Variants in ARMCX4 observed in about 807,000 individuals in gnomAD.
The protein encoded by ARMCX4 is armadillo repeat-containing X-linked protein 4.
In ARMCX4, 3 loss-of-function variants were observed where a neutral mutation model predicts 34.7. That is an observed-to-expected ratio of 0.09 (90% confidence interval 0.04 to 0.22). The LOEUF (loss-of-function observed/expected upper bound fraction) is 0.22. Among genes scored for constraint, ARMCX4 ranks in the 10% least tolerant of loss-of-function variants. The pLI, the probability that ARMCX4 is intolerant of heterozygous loss-of-function variation, is 1.00. For synonymous variants in ARMCX4, 513 were observed against 632.8 expected, an observed-to-expected ratio of 0.81 and a Z score of 2.84; for missense variants, 1,448 against 1,720.8, an observed-to-expected ratio of 0.84 and a Z score of 2.81.
intron 4 of ARMCX4, among the ~76,000 whole-genome samples, chrX:101,468,798 A>G (rs919964639): frequency 9.0e-6 from 1 of 110,676 alleles, no homozygotes; most frequent in Non-Finnish European, 1.9e-5. Flanking sequence ...TATTTTTAGT[A>G]GAGACGGGGT....
intron 11 of ARMCX4, among the ~76,000 whole-genome samples, chrX:101,528,975 A>G (rs1935052892): frequency 9.0e-6 from 1 of 111,647 alleles, no homozygotes; most frequent in Non-Finnish European, 1.9e-5. Context: ...CAGAACTGGA[A>G]AAAAATACTT....
In ARMCX4 at chrX:101,465,702, T is replaced by C. The variant is rs138566809; in HGVS notation, c.-473+19658T>C. On this transcript the variant is annotated intron_variant and NMD_transcript_variant, in intron 4 of 15. Coordinates refer to the ARMCX4 transcript ENST00000433011. The stretch of plus-strand genomic sequence containing the variant: ...TTGAATTGCACAAGTAATCTTAACA[T>C]AACTGACAAATGTAGAACCCTGCAC... 7.4e-3 allele frequency among the ~76,000 whole-genome samples: 825 copies of C among 111,759 alleles called. 8 individuals are homozygous for C. Among genetic ancestry groups the C allele is most frequent in the Non-Finnish European group, 0.011 (572 of 53,118 alleles).
chrX:101,451,780 C>T (rs782484010), downstream of ARMCX4, among the ~76,000 whole-genome samples: 2 of 112,206 alleles, frequency 1.8e-5, no homozygotes, highest in African/African-American at 3.2e-5. Flanking sequence ...GGAAATCCTA[C>T]CAATTCATTT....
At chrX:101,426,141 A>T (rs1402704239) in intron 2 of ARMCX4, among the ~76,000 whole-genome samples, 1 of 110,827 alleles carries the variant, frequency 9.0e-6, no homozygotes, top group Non-Finnish European at 1.9e-5. Context: ...TTTTTAATGG[A>T]GAAATTTTGT....
intron 2 of ARMCX4, among the ~76,000 whole-genome samples, chrX:101,433,460 G>A (rs969509413): frequency 9.0e-6 from 1 of 110,861 alleles, no homozygotes. Flanking sequence ...ACTTAGGACA[G>A]TGTTGTGCAA....
chrX:101,503,947 T>C lies in ARMCX4; in HGVS notation c.*1178-990T>C, dbSNP rs1396191858. Among the ~76,000 whole-genome samples the C allele has an allele frequency of 3.6e-5, 4 of 111,751 alleles. No homozygotes were observed. The Admixed American group carries it at 3.8e-4, about 11-fold the overall frequency. On this transcript the variant is annotated intron_variant and NMD_transcript_variant, in intron 7 of 12. Coordinates refer to the ARMCX4 transcript ENST00000354842. ...CTAATATTTAAGTCTTTAATCCATC[T>C]TGAATTAATTTTTGTATAAGGTGTA...
intron 4 of ARMCX4, among the ~76,000 whole-genome samples, chrX:101,464,277 G>A (rs909154800): frequency 5.4e-5 from 6 of 111,163 alleles, no homozygotes; most frequent in Non-Finnish European, 1.1e-4. Context: ...TTGGGAGCCT[G>A]GGGCAGGAGA....
chrX:101,500,020 C>A (rs1354673498), downstream of ARMCX4, among the ~76,000 whole-genome samples: 2 of 112,045 alleles, frequency 1.8e-5, no homozygotes, highest in Non-Finnish European at 3.8e-5. Context: ...GTAATGATTT[C>A]TCTGGTCCTT....
At chrX:101,428,998 AGTG>A (rs1555991478) in intron 2 of ARMCX4, among the ~76,000 whole-genome samples, 1 of 106,507 alleles carries the variant, frequency 9.4e-6, no homozygotes, top group East Asian at 2.9e-4. Flanking sequence ...CAGCCTCCCG[AGTG>A]GCATGTGCCA....
At chrX:101,468,853 T>C (rs1249583699) in intron 4 of ARMCX4, among the ~76,000 whole-genome samples, 1 of 111,228 alleles carries the variant, frequency 9.0e-6, no homozygotes, top group Non-Finnish European at 1.9e-5. Flanking sequence ...AGAGTATTTT[T>C]CATAGGCTTC....
At chrX:101,521,800 G>T (rs1303449317) in intron 11 of ARMCX4, among the ~76,000 whole-genome samples, 1 of 110,974 alleles carries the variant, frequency 9.0e-6, no homozygotes, top group Non-Finnish European at 1.9e-5. Flanking sequence ...TGTTTAATTT[G>T]CACATATGTG....
Position 101,494,350 on chromosome X carries a change from G to T in ARMCX4, c.5761G>T (p.Asp1921Tyr), listed in dbSNP as rs1934126764. 7 of 1,153,401 alleles carry T rather than the reference G, an allele frequency of 6.1e-6. No homozygotes were observed. In the South Asian group the frequency reaches 1.3e-4, roughly 22 times the overall value. Residue 1921 changes from aspartate to tyrosine, a missense_variant, in exon 6 of 6, where the codon GAT becomes TAT. This residue lies in a region of ARMCX4 where 1,343 missense variants were observed against 1,540.7 expected (regional missense o/e 0.87). Coordinates refer to ENST00000423738, the MANE Select transcript of ARMCX4 (RefSeq NM_001256155.3). ...TACGTTCAGATCTAAGAGTGGGAAA[G>T]ATGCCAGTTTTGAGTCTGGAGCTGG... The part of the protein sequence containing the change: ...SNTFRSKSGK[D>Y]ASFESGAGDN...
At chrX:101,499,069 C>T (rs1556012842), downstream of ARMCX4, 1 of 111,992 alleles carries the variant, frequency 8.9e-6, no homozygotes, top group Non-Finnish European at 1.9e-5. Context: ...AGTTTCGGGA[C>T]ATAACCTAGC....
chrX:101,516,069 G>A (rs187711595), intron 11 of ARMCX4, among the ~76,000 whole-genome samples: 2,793 of 111,597 alleles, frequency 0.025, 35 homozygotes, highest in Middle Eastern at 0.07. Context: ...TTAAATTAAT[G>A]CTGTTTGTTG....
chrX:101,520,569 T>C (rs1556018855), intron 11 of ARMCX4, among the ~76,000 whole-genome samples: 1 of 112,527 alleles, frequency 8.9e-6, no homozygotes, highest in African/African-American at 3.2e-5. Flanking sequence ...ATTACGTTGA[T>C]TGATTTTCAG....
rs1186506170 is a variant in ARMCX4, at chrX:101,487,956, A to G, written c.-202-88A>G. On this transcript the variant is annotated intron_variant, in intron 4 of 5. Transcript: ENST00000423738. Reference sequence around the variant, plus strand: ...TGCTAATAATATGTCTGTCCCATCAAGAACAAACTCTCTACTCCCATCTGT... The same window carrying G: ...TGCTAATAATATGTCTGTCCCATCAGGAACAAACTCTCTACTCCCATCTGT... The G allele has an allele frequency of 1.1e-5, 5 of 468,151 alleles. No homozygotes were observed. In the Admixed American group the frequency reaches 1.8e-4, roughly 17 times the overall value. 38.6% of individuals were successfully genotyped at this position (468,151 alleles called of 1,213,427 possible).
At chrX:101,465,768 G>A (rs1932782898) in intron 4 of ARMCX4, among the ~76,000 whole-genome samples, 1 of 112,103 alleles carries the variant, frequency 8.9e-6, no homozygotes. Context: ...GGTACAAGGA[G>A]CATCTACAAA....
In ARMCX4 at chrX:101,494,495, A is replaced by G; in HGVS notation, c.5906A>G (p.Lys1969Arg). Residue 1969 changes from lysine to arginine, a missense_variant, in exon 6 of 6, where the codon AAA becomes AGA. By Grantham distance (26) the Lys-to-Arg change is conservative. Coordinates refer to ENST00000423738, the MANE Select transcript of ARMCX4 (RefSeq NM_001256155.3). ...EDKSAPKAKA[K>R]KSSESRGIYP... ...AAATCTGCACCTAAGGCTAAAGCCAAAAAGTCATCTGAGTCAAGAGGCATA... is the reference window on the plus strand; with the variant it reads ...AAATCTGCACCTAAGGCTAAAGCCAGAAAGTCATCTGAGTCAAGAGGCATA... The G allele has an allele frequency of 8.7e-7, 1 of 1,155,728 alleles. No homozygotes were observed.
At position 101,489,184 on chromosome X, in the gene ARMCX4, GA is replaced by G; in HGVS notation, c.596del (p.Glu199GlyfsTer7). On this transcript the variant is annotated frameshift_variant, in exon 6 of 6. Coordinates refer to ENST00000423738, the MANE Select transcript of ARMCX4 (RefSeq NM_001256155.3). LOFTEE classifies it low-confidence loss of function (END_TRUNC). ...TGAAACTCATATATTGGCTGAAAAA[GA>G]GACAGAGATTAACAGAGTAATGGTT... is the stretch of plus-strand genomic sequence containing the variant. ...KAETHILAEK[E>X]TEINRVMVTQ... 8.6e-7 allele frequency: 1 copy of G among 1,156,182 alleles called. No individual in the cohort carries two copies. Among genetic ancestry groups the G allele is most frequent in the Non-Finnish European group, 1.1e-6 (1 of 873,040 alleles).
Sources: allele counts gnomAD v4.1 joint callset (sites outside exome capture counted in the v4.1 genomes callset), GRCh38; gene constraint gnomAD v4.1.1; regional missense constraint gnomAD v4.1.1; transcripts MANE v1.5; gene names NCBI Gene and HGNC (gene_info 2026-07-23, HGNC 2026-07-21).